SAMD4A: variants seen among roughly 807,000 people sequenced by gnomAD.
The protein encoded by SAMD4A is sterile alpha motif domain containing 4A, also known as protein Smaug homolog 1.
Under a neutral mutation model 81.3 loss-of-function variants are expected in SAMD4A, and 33 were observed. The observed-to-expected ratio is 0.41, with a 90% confidence interval of 0.31 to 0.54. SAMD4A has a LOEUF of 0.54. SAMD4A is among the 20% of genes least tolerant of loss of function. The pLI, the probability that SAMD4A is intolerant of heterozygous loss-of-function variation, is 0.37. For missense variants in SAMD4A, 854 were observed against 951.1 expected (o/e 0.90, Z 1.34); for synonymous variants, 389 against 382.1 (o/e 1.02, Z -0.21).
rs117088332 is a variant in SAMD4A at position 54,687,118 on chromosome 14, C to A, written c.197-14944C>A. ...CTCCAAAGGCTCTACCCATTTTAGACCTCAAGGTCAAGACATACAGAAAAC... is the reference window on the plus strand; with the variant it reads ...CTCCAAAGGCTCTACCCATTTTAGAACTCAAGGTCAAGACATACAGAAAAC... On this transcript the variant is annotated intron_variant, in intron 2 of 12. Coordinates refer to ENST00000554335, the MANE Select transcript of SAMD4A (RefSeq NM_015589.6). 1.7e-4 allele frequency among the ~76,000 whole-genome samples: 26 copies of A among 152,290 alleles called. No homozygotes were observed. In the East Asian group the frequency reaches 3.9e-3, roughly 23 times the overall value.
chr14:54,789,722 C>T lies in SAMD4A; in HGVS notation c.*778C>T, dbSNP rs2039227559. 6.6e-6 allele frequency: 1 copy of T among 152,236 alleles called. No homozygotes were observed. Among genetic ancestry groups the T allele is most frequent in the East Asian group, 1.9e-4 (1 of 5,204 alleles). The allele number at this position is 152,236 out of a possible 1,614,324, so 9.4% of individuals were successfully genotyped here. ...TTCTCAAAACGGCTGCCAAGCTCTG[C>T]TTCTTGGGAAGATGGATGCAGTCAT... On this transcript the variant is annotated 3_prime_UTR_variant, in exon 13 of 13. Transcript: ENST00000554335.
intron 12 of SAMD4A, among the ~76,000 whole-genome samples, chr14:54,786,542 A>G (rs1001221181): frequency 6.6e-6 from 1 of 152,234 alleles, no homozygotes; most frequent in East Asian, 1.9e-4. Context: ...GGCACCTGCC[A>G]GAGCTCTGAC....
chr14:54,785,479 G>C (rs2039115504), intron 12 of SAMD4A, among the ~76,000 whole-genome samples: 1 of 152,232 alleles, frequency 6.6e-6, no homozygotes, highest in African/African-American at 2.4e-5. Context: ...CTGTGCCACA[G>C]AGACACAGAG....
chr14:54,765,077 G>A (rs1160666560), intron 8 of SAMD4A, among the ~76,000 whole-genome samples: 3 of 152,184 alleles, frequency 2.0e-5, no homozygotes, highest in African/African-American at 7.2e-5. Flanking sequence ...GGACCCTCAG[G>A]CACAGTCTTC....
intron 2 of SAMD4A, among the ~76,000 whole-genome samples, chr14:54,680,100 CTTG>C (rs1270385073): frequency 2.0e-5 from 3 of 152,210 alleles, no homozygotes; most frequent in Non-Finnish European, 4.4e-5. Context: ...CATTTATTCC[CTTG>C]TTGTGTCTGT....
At chr14:54,706,351 T>TC (rs1418416921) in intron 3 of SAMD4A, among the ~76,000 whole-genome samples, 1 of 144,986 alleles carries the variant, frequency 6.9e-6, no homozygotes. Flanking sequence ...ACACCTGTAA[T>TC]CCCAGCACTT....
chr14:54,710,356 A>G (rs952238227), intron 3 of SAMD4A, among the ~76,000 whole-genome samples: 4 of 152,198 alleles, frequency 2.6e-5, no homozygotes, highest in Admixed American at 1.3e-4. Context: ...AACCCTTTAC[A>G]TAAATATTAA....
chr14:54,703,313 C>T (rs753158478), intron 3 of SAMD4A: 8 of 152,264 alleles, frequency 5.3e-5, no homozygotes, highest in African/African-American at 1.7e-4. Flanking sequence ...ATTGCACCCT[C>T]AGCTGGGCAC....
chr14:54,691,693 AGCATTGGC>A (rs2036446346), intron 2 of SAMD4A, among the ~76,000 whole-genome samples: 1 of 152,178 alleles, frequency 6.6e-6, no homozygotes, highest in Admixed American at 6.5e-5. Context: ...AGAAATTCCC[AGCATTGGC>A]TGGCGGCTGG....
chr14:54,568,690 CATATATATATAT>C (rs59190435), intron 2 of SAMD4A, among the ~76,000 whole-genome samples: 2,581 of 31,808 alleles, frequency 0.081, 80 homozygotes, highest in South Asian at 0.095. Flanking sequence ...ACATTTGCAG[CATATATATATAT>C]ATATATATAT....
chr14:54,643,580 C>T (rs913522316), intron 2 of SAMD4A, among the ~76,000 whole-genome samples: 2 of 152,196 alleles, frequency 1.3e-5, no homozygotes, highest in African/African-American at 2.4e-5. Context: ...GGAAATGCCT[C>T]AACAGTGGAC....
At chr14:54,588,362 T>G (rs1187595) in intron 2 of SAMD4A, among the ~76,000 whole-genome samples, 70,435 of 151,386 alleles carry the variant, frequency 0.47, 16,690 homozygotes, top group East Asian at 0.56. Context: ...GTATTTTTTT[T>G]TTGTTGTTGT....
chr14:54,575,762 C>T (rs757900623), intron 2 of SAMD4A, among the ~76,000 whole-genome samples: 5 of 152,116 alleles, frequency 3.3e-5, no homozygotes, highest in South Asian at 2.1e-4. Flanking sequence ...GAAATACTGA[C>T]GCTTTTTAGT....
intron 2 of SAMD4A, chr14:54,692,878 C>CCCG (rs1555343986): frequency 2.8e-5 from 4 of 141,876 alleles, no homozygotes; most frequent in South Asian, 2.4e-4. Context: ...CACTTAGTGC[C>CCCG]CCCCCCCGCA....
chr14:54,573,736 T>C (rs970154035), intron 2 of SAMD4A, among the ~76,000 whole-genome samples: 10 of 152,218 alleles, frequency 6.6e-5, no homozygotes, highest in African/African-American at 2.2e-4. Flanking sequence ...TCTGAGCTAT[T>C]TTTGCTTCCA....
At chr14:54,692,880 C>CA (rs1555343995) in intron 2 of SAMD4A, 1 of 144,090 alleles carries the variant, frequency 6.9e-6, no homozygotes, top group Non-Finnish European at 1.5e-5. Flanking sequence ...CTTAGTGCCC[C>CA]CCCCCGCAAA....
intron 2 of SAMD4A, among the ~76,000 whole-genome samples, chr14:54,578,766 G>A (rs1429550379): frequency 6.6e-6 from 1 of 152,128 alleles, no homozygotes; most frequent in Admixed American, 6.5e-5. Context: ...TATTCCTCCT[G>A]CACTTTTTGG....
At chr14:54,589,498 T>C (rs1422517101) in intron 2 of SAMD4A, among the ~76,000 whole-genome samples, 1 of 152,224 alleles carries the variant, frequency 6.6e-6, no homozygotes, top group Non-Finnish European at 1.5e-5. Context: ...CAAAATTATG[T>C]AATAAGCCTA....
intron 3 of SAMD4A, among the ~76,000 whole-genome samples, chr14:54,716,250 C>G (rs2037114890): frequency 6.6e-6 from 1 of 152,100 alleles, no homozygotes; most frequent in Admixed American, 6.6e-5. Flanking sequence ...TTTGCTATAC[C>G]CAAGTCAAAA....
Sources: gnomAD v4.1 joint callset for allele counts (sites outside exome capture counted in the v4.1 genomes callset) on GRCh38, gnomAD v4.1.1 for gene constraint, MANE v1.5 for transcripts, NCBI Gene and HGNC (gene_info 2026-07-23, HGNC 2026-07-21) for gene names.